GAN: variants seen among roughly 807,000 people sequenced by gnomAD.
The protein encoded by GAN is epididymis secretory sperm binding protein.
A neutral mutation model predicts 71.3 loss-of-function variants in GAN; 48 were observed. The observed-to-expected ratio is 0.67, with a 90% CI of 0.53 to 0.86. The LOEUF is 0.86. Among genes scored for constraint, GAN ranks in the 40% least tolerant of loss-of-function variants. The pLI, the probability that GAN is intolerant of heterozygous loss-of-function variation, is 0.00. For synonymous variants in GAN, 386 were observed against 276.8 expected (o/e 1.39, Z -3.92); for missense variants, 928 against 770.1 (o/e 1.21, Z -2.43).
intron 1 of GAN, among the ~76,000 whole-genome samples, chr16:81,330,664 C>A (rs757213071): frequency 1.3e-5 from 2 of 152,282 alleles, no homozygotes; most frequent in East Asian, 3.9e-4. Context: ...CAGACAGTAT[C>A]TACTGATGGC....
chr16:81,326,437 G>T (rs1480757866), intron 1 of GAN, among the ~76,000 whole-genome samples: 2 of 152,220 alleles, frequency 1.3e-5, no homozygotes, highest in East Asian at 1.9e-4. Context: ...GGAGGCTGAG[G>T]CAGGAGAATT....
At chr16:81,366,787 A>C (rs1181659411) in intron 9 of GAN, among the ~76,000 whole-genome samples, 2 of 152,122 alleles carry the variant, frequency 1.3e-5, no homozygotes, top group Admixed American at 1.3e-4. Context: ...TTGATACATG[A>C]CTGGGAGGGC....
rs1467051522 is a variant in GAN, at chr16:81,380,524, T to C, written c.*2928T>C. 1.3e-5 allele frequency: 2 copies of C among 152,220 alleles called. No homozygotes were observed. The highest frequency in any genetic ancestry group is 1.9e-4 in the East Asian group (1 of 5,200). 9.4% of individuals were successfully genotyped at this position (152,220 alleles called of 1,614,324 possible). ...TTTGTTTTGTTTTTGATAGTGCTTA[T>C]ATCCTGTGAATAGAAAAAGTGTGAG... On this transcript the variant is annotated 3_prime_UTR_variant, in exon 11 of 11. Transcript: ENST00000648994.
At chr16:81,344,398 A>G (rs1338992628) in intron 1 of GAN, among the ~76,000 whole-genome samples, 2 of 152,206 alleles carry the variant, frequency 1.3e-5, no homozygotes, top group Admixed American at 1.3e-4. Context: ...CCAAAACAGC[A>G]TGGTACTGGT....
At chr16:81,324,665 G>C (rs1909323535) in intron 1 of GAN, among the ~76,000 whole-genome samples, 1 of 152,202 alleles carries the variant, frequency 6.6e-6, no homozygotes, top group African/African-American at 2.4e-5. Context: ...TGTATTGGGA[G>C]CTGGCTGGGG....
intron 1 of GAN, among the ~76,000 whole-genome samples, chr16:81,346,770 G>A (rs1031150454): frequency 1.3e-5 from 2 of 152,200 alleles, no homozygotes; most frequent in Non-Finnish European, 2.9e-5. Context: ...TGTGGTTGCA[G>A]CTGTGCACTG....
intron 1 of GAN, among the ~76,000 whole-genome samples, chr16:81,338,462 A>G (rs1359775207): frequency 1.3e-5 from 2 of 152,194 alleles, no homozygotes; most frequent in Non-Finnish European, 2.9e-5. Context: ...CATTCAGTAC[A>G]GTCCATTGAC....
intron 1 of GAN, among the ~76,000 whole-genome samples, chr16:81,333,748 G>C (rs568831332): frequency 4.6e-5 from 7 of 152,278 alleles, no homozygotes; most frequent in South Asian, 2.1e-4. Flanking sequence ...TATCTCACCT[G>C]GTGCGGTGAG....
chr16:81,360,876 T>G (rs1164531579), intron 5 of GAN, among the ~76,000 whole-genome samples: 2 of 152,006 alleles, frequency 1.3e-5, no homozygotes, highest in African/African-American at 4.8e-5. Context: ...TTTCTTAGAG[T>G]CTAATTTTTG....
At chr16:81,334,545 C>T (rs995528618) in intron 1 of GAN, among the ~76,000 whole-genome samples, 5 of 152,188 alleles carry the variant, frequency 3.3e-5, no homozygotes, top group African/African-American at 9.7e-5. Context: ...CAAATGAAAG[C>T]CTCCTCCTGT....
In GAN at chr16:81,378,502, C is replaced by T. The variant is rs570705339; in HGVS notation, c.*906C>T. ...TAAAGGTCTGCTGTGGCTAAAAAAG[C>T]AAAAACAAAAAAGCTATCCAGACAA... On this transcript the variant is annotated 3_prime_UTR_variant, in exon 11 of 11. Coordinates refer to ENST00000648994, the MANE Select transcript of GAN (RefSeq NM_022041.4). The T allele has an allele frequency of 1.3e-5, 2 of 152,040 alleles. No individual in the cohort carries two copies. Among genetic ancestry groups the T allele is most frequent in the African/African-American group, 4.8e-5 (2 of 41,398 alleles). The allele number at this position is 152,040 out of a possible 1,614,324, so 9.4% of individuals were successfully genotyped here.
At chr16:81,365,594 T>G in intron 9 of GAN, 116 bp downstream of exon 9, 1 of 981,624 alleles carries the variant, frequency 1.0e-6, no homozygotes, top group Non-Finnish European at 1.6e-6. Context: ...ATTTAGGAGA[T>G]AACGTCTCAT....
intron 5 of GAN, 123 bp from the exon 6 acceptor site, chr16:81,362,376 G>GA (rs2150690125): frequency 1.4e-6 from 1 of 711,022 alleles, no homozygotes; most frequent in South Asian, 1.5e-5. Flanking sequence ...TAAAAGCCCT[G>GA]AATCCAAAGA....
intron 1 of GAN, among the ~76,000 whole-genome samples, chr16:81,328,726 CA>C (rs1412282421): frequency 6.7e-6 from 1 of 150,160 alleles, no homozygotes; most frequent in East Asian, 1.9e-4. Context: ...AATCATTTCT[CA>C]AAAATCGTTA....
intron 9 of GAN, among the ~76,000 whole-genome samples, chr16:81,365,691 G>A (rs150843370): frequency 2.6e-3 from 397 of 150,984 alleles, no homozygotes; most frequent in African/African-American, 9.1e-3. Context: ...ATGTAGATGA[G>A]ATCTTGACGC....
intron 1 of GAN, among the ~76,000 whole-genome samples, chr16:81,321,161 A>G (rs547306223): frequency 6.6e-6 from 1 of 152,228 alleles, no homozygotes; most frequent in African/African-American, 2.4e-5. Flanking sequence ...TAGATGTTCT[A>G]ATTCTGGAGA....
At chr16:81,373,224 G>A (rs1353315379) in intron 9 of GAN, among the ~76,000 whole-genome samples, 1 of 152,224 alleles carries the variant, frequency 6.6e-6, no homozygotes, top group Non-Finnish European at 1.5e-5. Context: ...TAGGGATGAT[G>A]GAGTGATGAC....
At chr16:81,369,631 G>A (rs778133353) in intron 9 of GAN, among the ~76,000 whole-genome samples, 9 of 152,022 alleles carry the variant, frequency 5.9e-5, no homozygotes, top group Non-Finnish European at 1.3e-4. Flanking sequence ...TCACTCTGTT[G>A]CCCAGGCTGG....
intron 1 of GAN, among the ~76,000 whole-genome samples, chr16:81,349,893 A>C (rs1415343829): frequency 6.6e-6 from 1 of 152,218 alleles, no homozygotes; most frequent in Non-Finnish European, 1.5e-5. Context: ...CTTGAGATTT[A>C]ACAGAGTTAT....
Sources: gnomAD v4.1 joint callset for allele counts (sites outside exome capture counted in the v4.1 genomes callset) on GRCh38, gnomAD v4.1.1 for gene constraint, MANE v1.5 for transcripts, NCBI Gene and HGNC (gene_info 2026-07-23, HGNC 2026-07-21) for gene names.